The following ARHGAP22 variants were observed in gnomAD, a reference collection of about 807,000 sequenced individuals.
The protein encoded by ARHGAP22 is rho GTPase-activating protein 22.
ARHGAP22 carries 48 observed loss-of-function variants against 59.1 expected under a neutral mutation model. The observed-to-expected ratio is 0.81, with a 90% confidence interval of 0.64 to 1.03. ARHGAP22 has a LOEUF of 1.03. ARHGAP22 is among the 50% of genes least tolerant of loss of function. ARHGAP22 has a pLI of 0.00. For synonymous variants in ARHGAP22, 445 were observed against 416.4 expected (o/e 1.07, Z -0.84); for missense variants, 1,015 against 958.7 (o/e 1.06, Z -0.78).
chr10:48,586,011 G>T (rs551149303), intron 1 of ARHGAP22, among the ~76,000 whole-genome samples: 1 of 152,238 alleles, frequency 6.6e-6, no homozygotes, highest in South Asian at 2.1e-4. Flanking sequence ...CCTTATCTGT[G>T]TTTCAGAATG....
rs77798949 is a variant in ARHGAP22 at position 48,630,095 on chromosome 10, C to CT, written c.52+22138dup. ...TATATACCAAGTTAGAAAGAAGTGA[C>CT]TTTTTTTTCTTTTTTCAGACGGAGT... is the stretch of plus-strand genomic sequence containing the variant. On this transcript the variant is annotated intron_variant, in intron 1 of 9. Coordinates refer to the ARHGAP22 transcript ENST00000435790. 7.2e-5 allele frequency among the ~76,000 whole-genome samples: 11 copies of CT among 151,806 alleles called. No individual in the cohort carries two copies. The South Asian group carries it at 1.9e-3, about 26-fold the overall frequency.
At position 48,451,070 on chromosome 10, in the gene ARHGAP22, G is replaced by T; in HGVS notation, c.1059C>A (p.Val353=). The T allele has an allele frequency of 6.4e-7, 1 of 1,552,500 alleles. No homozygotes were observed. Among genetic ancestry groups the T allele is most frequent in the Middle Eastern group, 1.7e-4 (1 of 5,992 alleles). Residue 353 remains valine (V), a synonymous_variant, in exon 9 of 10, where the codon GTC becomes GTA. Coordinates refer to ENST00000249601, the MANE Select transcript of ARHGAP22 (RefSeq NM_021226.4). ...RKHSQLFTAP[V]PEGPTSPRGG... ...CGCGCGGGGAGGTGGGCCCTTCCGG[G>T]ACCGGTGCCGTGAAGAGCTGGCTGT...
At chr10:48,632,960 A>G (rs1487096902) in intron 1 of ARHGAP22, among the ~76,000 whole-genome samples, 1 of 152,148 alleles carries the variant, frequency 6.6e-6, no homozygotes, top group Non-Finnish European at 1.5e-5. Flanking sequence ...CTTTTCCTTC[A>G]TCTACCCCTG....
intron 3 of ARHGAP22, among the ~76,000 whole-genome samples, chr10:48,524,659 A>G (rs2054169348): frequency 6.6e-6 from 1 of 152,050 alleles, no homozygotes; most frequent in East Asian, 1.9e-4. Flanking sequence ...GGTGTTCAGG[A>G]CCACCGAGCT....
At chr10:48,487,321 C>A (rs2049957672) in intron 3 of ARHGAP22, among the ~76,000 whole-genome samples, 1 of 152,092 alleles carries the variant, frequency 6.6e-6, no homozygotes, top group Non-Finnish European at 1.5e-5. Flanking sequence ...TCCCTGGAAC[C>A]TGTGATTAGG....
chr10:48,522,842 T>A (rs760051133), intron 3 of ARHGAP22, among the ~76,000 whole-genome samples: 14 of 152,244 alleles, frequency 9.2e-5, no homozygotes, highest in Non-Finnish European at 1.6e-4. Flanking sequence ...TTTCACTTGG[T>A]TTTGGTTGCA....
At chr10:48,435,036 G>A in the ARHGAP22 span, 25 of 1,536,710 alleles carry the variant, frequency 1.6e-5, no homozygotes, top group Admixed American at 4.5e-4. Context: ...ATGACTACTT[G>A]GGCCATCGGG....
rs1176394131 is a variant in ARHGAP22, at chr10:48,523,639, A to AGGGCGCGCGCC, written c.322+31813_322+31823dup. Among the ~76,000 whole-genome samples the AGGGCGCGCGCC allele has an allele frequency of 3.9e-5, 6 of 152,088 alleles. No homozygotes were observed. The East Asian group carries it at 1.2e-3, about 30-fold the overall frequency. The stretch of plus-strand genomic sequence containing the variant: ...GGCAGTTAAGCCGCAGGGGCGGCGC[A>AGGGCGCGCGCC]GGGCGCGCGCCGGGCTCGCGGTGCA... On this transcript the variant is annotated intron_variant, in intron 3 of 9. Transcript: ENST00000249601.
intron 1 of ARHGAP22, among the ~76,000 whole-genome samples, chr10:48,597,815 C>A (rs976050019): frequency 6.6e-6 from 1 of 152,192 alleles, no homozygotes; most frequent in Non-Finnish European, 1.5e-5. Context: ...TCATTTTCTG[C>A]CTGCCTATGA....
At chr10:48,645,677 C>T (rs1192625359) in intron 1 of ARHGAP22, among the ~76,000 whole-genome samples, 1 of 151,994 alleles carries the variant, frequency 6.6e-6, no homozygotes, top group Non-Finnish European at 1.5e-5. Context: ...TATGACAAAC[C>T]CAGAGACCAA....
intron 3 of ARHGAP22, chr10:48,493,469 A>G: frequency 1.3e-6 from 2 of 1,536,022 alleles, no homozygotes; most frequent in Non-Finnish European, 1.7e-6. Context: ...CTCTTCAGAC[A>G]CCTGATGGGC....
intron 1 of ARHGAP22, among the ~76,000 whole-genome samples, chr10:48,590,267 G>T (rs1399669462): frequency 6.6e-6 from 1 of 151,980 alleles, no homozygotes; most frequent in Non-Finnish European, 1.5e-5. Flanking sequence ...ACCCGAGCCG[G>T]TTTAAGTGCA....
intron 3 of ARHGAP22, among the ~76,000 whole-genome samples, chr10:48,500,607 G>T (rs1156579694): frequency 1.3e-5 from 2 of 152,082 alleles, no homozygotes; most frequent in African/African-American, 4.8e-5. Flanking sequence ...AAAGATTAAG[G>T]CCAGGCGCCG....
intron 3 of ARHGAP22, among the ~76,000 whole-genome samples, chr10:48,527,463 A>AGATG (rs1227631702): frequency 1.5e-5 from 2 of 131,012 alleles, no homozygotes; most frequent in Non-Finnish European, 3.4e-5. Flanking sequence ...ATAGGTGAAT[A>AGATG]GATGGATGGA....
At position 48,604,804 on chromosome 10, in the gene ARHGAP22, C is replaced by T. The variant is rs1011314973; in HGVS notation, c.-8G>A. On this transcript the variant is annotated 5_prime_UTR_variant, in exon 1 of 10. Coordinates refer to ENST00000249601, the MANE Select transcript of ARHGAP22 (RefSeq NM_021226.4). ...GATCTTTGGGCTCAGCATGTTCTTGCAGCCGTCCGGCCAGCCCCGCAGGGC... is the reference window on the plus strand; with the variant it reads ...GATCTTTGGGCTCAGCATGTTCTTGTAGCCGTCCGGCCAGCCCCGCAGGGC... The T allele has an allele frequency of 6.2e-7, 1 of 1,614,208 alleles. No homozygotes were observed.
At chr10:48,466,278 C>G (rs549070069) in intron 4 of ARHGAP22, among the ~76,000 whole-genome samples, 99 of 144,622 alleles carry the variant, frequency 6.8e-4, no homozygotes, top group African/African-American at 2.4e-3. Flanking sequence ...CGCCCCCCCC[C>G]AGACTCTAAG....
At chr10:48,623,016 C>T (rs1047053401) in intron 1 of ARHGAP22, among the ~76,000 whole-genome samples, 5 of 152,160 alleles carry the variant, frequency 3.3e-5, no homozygotes, top group African/African-American at 1.2e-4. Flanking sequence ...ATAATACAAC[C>T]TAGTTAATTT....
chr10:48,568,195 T>C (rs2058168242), intron 2 of ARHGAP22, among the ~76,000 whole-genome samples: 1 of 152,178 alleles, frequency 6.6e-6, no homozygotes, highest in Non-Finnish European at 1.5e-5. Flanking sequence ...GCTCAAGCTG[T>C]GATGGCCGTG....
intron 1 of ARHGAP22, among the ~76,000 whole-genome samples, chr10:48,623,483 G>A (rs1022952483): frequency 1.1e-4 from 16 of 152,156 alleles, no homozygotes; most frequent in Non-Finnish European, 4.4e-5. Flanking sequence ...TTGTCATCTA[G>A]GGCATACTTG....
Sources: allele counts gnomAD v4.1 joint callset (sites outside exome capture counted in the v4.1 genomes callset), GRCh38; gene constraint gnomAD v4.1.1; transcripts MANE v1.5; gene names NCBI Gene and HGNC (gene_info 2026-07-23, HGNC 2026-07-21).